Variants in PTPRD observed in about 807,000 individuals in gnomAD.
PTPRD encodes the protein receptor-type tyrosine-protein phosphatase delta.
Under a neutral mutation model 214.5 loss-of-function variants are expected in PTPRD, and 34 were observed. The observed-to-expected ratio is 0.16, with a 90% CI of 0.12 to 0.21. The LOEUF (loss-of-function observed/expected upper bound fraction) is 0.21. Ranked by LOEUF, PTPRD falls within the 10% of genes least tolerant of loss-of-function variation. The pLI is 1.00. For missense variants in PTPRD, 2,545 were observed against 2,398.7 expected (o/e 1.06, Z -1.27); for synonymous variants, 1,128 against 845.7 (o/e 1.33, Z -5.79).
intron 2 of PTPRD, among the ~76,000 whole-genome samples, chr9:10,586,769 G>A (rs955688470): frequency 1.4e-5 from 2 of 138,190 alleles, no homozygotes; most frequent in Non-Finnish European, 3.1e-5. Context: ...GCACATACAT[G>A]CTCACTTATA....
intron 11 of PTPRD, among the ~76,000 whole-genome samples, chr9:8,884,344 G>C (rs1173570652): frequency 2.0e-5 from 3 of 152,218 alleles, no homozygotes; most frequent in African/African-American, 7.2e-5. Flanking sequence ...TAACTTCTGA[G>C]ACTGCAGGCA....
At chr9:9,715,622 A>T (rs930192098) in intron 7 of PTPRD, among the ~76,000 whole-genome samples, 130 of 152,300 alleles carry the variant, frequency 8.5e-4, no homozygotes, top group Non-Finnish European at 1.5e-5. Flanking sequence ...CTCAACTTCA[A>T]ATAGAATCTA....
At chr9:10,510,539 T>G (rs922241970) in intron 2 of PTPRD, among the ~76,000 whole-genome samples, 3 of 152,170 alleles carry the variant, frequency 2.0e-5, no homozygotes, top group African/African-American at 4.8e-5. Flanking sequence ...TATCGCTTTT[T>G]TGTTTGCTTT....
chr9:9,787,572 G>A (rs1166901715), intron 5 of PTPRD, among the ~76,000 whole-genome samples: 1 of 151,476 alleles, frequency 6.6e-6, no homozygotes, highest in Non-Finnish European at 1.5e-5. Context: ...TAAGATTTCA[G>A]AAAAAGAAAA....
chr9:9,033,289 T>C (rs1202347802), intron 10 of PTPRD, among the ~76,000 whole-genome samples: 1 of 152,134 alleles, frequency 6.6e-6, no homozygotes, highest in Non-Finnish European at 1.5e-5. Context: ...TTGGAAAATA[T>C]ATGATCCAAA....
intron 10 of PTPRD, among the ~76,000 whole-genome samples, chr9:9,160,635 A>C (rs892640006): frequency 2.6e-5 from 4 of 152,176 alleles, no homozygotes; most frequent in Non-Finnish European, 5.9e-5. Context: ...TCCTCAAAAA[A>C]ACTAAAAATA....
chr9:10,128,144 C>T (rs1469020735), intron 3 of PTPRD, among the ~76,000 whole-genome samples: 1 of 152,098 alleles, frequency 6.6e-6, no homozygotes, highest in African/African-American at 2.4e-5. Flanking sequence ...TATCACTTCC[C>T]TTCCACATGA....
intron 8 of PTPRD, among the ~76,000 whole-genome samples, chr9:9,468,988 C>G (rs1258032101): frequency 6.6e-6 from 1 of 152,046 alleles, no homozygotes; most frequent in Non-Finnish European, 1.5e-5. Context: ...AATCCTTCAT[C>G]AAATATTTAT....
intron 12 of PTPRD, among the ~76,000 whole-genome samples, chr9:8,696,688 C>G (rs927554367): frequency 2.0e-5 from 3 of 152,170 alleles, no homozygotes; most frequent in Non-Finnish European, 4.4e-5. Flanking sequence ...CTAACAGGGT[C>G]TGACATAAGA....
At chr9:9,501,741 A>G (rs55713457) in intron 8 of PTPRD, among the ~76,000 whole-genome samples, 61,468 of 151,688 alleles carry the variant, frequency 0.41, 12,916 homozygotes, top group East Asian at 0.7. Flanking sequence ...TAAATTATAA[A>G]TAACTAAAAA....
At chr9:9,826,275 T>A (rs2052795417) in intron 5 of PTPRD, among the ~76,000 whole-genome samples, 1 of 151,864 alleles carries the variant, frequency 6.6e-6, no homozygotes, top group Non-Finnish European at 1.5e-5. Flanking sequence ...TCTTCATTTC[T>A]GAAATGATTT....
intron 9 of PTPRD, among the ~76,000 whole-genome samples, chr9:9,282,495 G>A (rs1948065836): frequency 6.6e-6 from 1 of 151,270 alleles, no homozygotes; most frequent in Non-Finnish European, 1.5e-5. Flanking sequence ...AAATTCAGAT[G>A]GTTTTAGTTT....
chr9:9,482,837 G>C (rs1164963324), intron 8 of PTPRD, among the ~76,000 whole-genome samples: 1 of 152,148 alleles, frequency 6.6e-6, no homozygotes, highest in Admixed American at 6.6e-5. Context: ...GATTTAAATA[G>C]CAATATCACA....
At chr9:9,406,805 G>A (rs1391832167) in intron 8 of PTPRD, among the ~76,000 whole-genome samples, 1 of 150,080 alleles carries the variant, frequency 6.7e-6, no homozygotes, top group Non-Finnish European at 1.5e-5. Flanking sequence ...TTAAGGAACA[G>A]TAGGCTTGAA....
chr9:10,398,270 A>G (rs2154494436), intron 2 of PTPRD, among the ~76,000 whole-genome samples: 1 of 151,576 alleles, frequency 6.6e-6, no homozygotes, highest in Non-Finnish European at 1.5e-5. Flanking sequence ...AATCCCAGCT[A>G]CTCGGAACCT....
At chr9:9,302,246 C>T (rs1421017433) in intron 9 of PTPRD, among the ~76,000 whole-genome samples, 1 of 151,636 alleles carries the variant, frequency 6.6e-6, no homozygotes, top group Non-Finnish European at 1.5e-5. Flanking sequence ...TCCTTCTGGC[C>T]CTATCTGACA....
At chr9:10,254,496 T>C (rs1202539169) in intron 3 of PTPRD, among the ~76,000 whole-genome samples, 5 of 152,180 alleles carry the variant, frequency 3.3e-5, no homozygotes, top group Non-Finnish European at 7.3e-5. Context: ...GTGTGCATGA[T>C]GTAACATCTT....
chr9:8,611,210 C>A (rs928497907), intron 14 of PTPRD, among the ~76,000 whole-genome samples: 3 of 152,140 alleles, frequency 2.0e-5, no homozygotes, highest in African/African-American at 7.2e-5. Flanking sequence ...GCTGATTGTT[C>A]ATTTGTTAAA....
chr9:8,908,613 T>C (rs1427419801), intron 11 of PTPRD, among the ~76,000 whole-genome samples: 1 of 152,020 alleles, frequency 6.6e-6, no homozygotes, highest in South Asian at 2.1e-4. Flanking sequence ...GGCTGATTTA[T>C]AGCTATAAAC....
Sources: allele counts gnomAD v4.1 joint callset (sites outside exome capture counted in the v4.1 genomes callset), GRCh38; gene constraint gnomAD v4.1.1; transcripts MANE v1.5; gene names NCBI Gene and HGNC (gene_info 2026-07-23, HGNC 2026-07-21).